Variants in CCDC149 observed in about 807,000 individuals in gnomAD.
The protein encoded by CCDC149 is coiled-coil domain-containing protein 149.
CCDC149 carries 45 observed loss-of-function variants against 59.9 expected under a neutral mutation model. That is an observed-to-expected ratio of 0.75 (90% CI 0.59 to 0.96). CCDC149 has a LOEUF of 0.96. Among genes scored for constraint, CCDC149 ranks in the 40% least tolerant of loss-of-function variants. The pLI is 0.00. For synonymous variants in CCDC149, 245 were observed against 260.6 expected, an observed-to-expected ratio of 0.94 and a Z score of 0.58; for missense variants, 584 against 664.7, an observed-to-expected ratio of 0.88 and a Z score of 1.33.
upstream of CCDC149, among the ~76,000 whole-genome samples, chr4:24,915,210 A>C (rs1468131846): frequency 6.6e-6 from 1 of 152,280 alleles, no homozygotes; most frequent in African/African-American, 2.4e-5. Flanking sequence ...CTGACGTCTC[A>C]TGCCTAAAAA....
intron 9 of CCDC149, chr4:24,828,233 A>G (rs1174965139): frequency 6.6e-6 from 1 of 151,268 alleles, no homozygotes; most frequent in East Asian, 1.9e-4. Flanking sequence ...CAGAATAATG[A>G]AAAAAGAAAC....
At chr4:24,971,172 C>T (rs1000361687) in intron 1 of CCDC149, among the ~76,000 whole-genome samples, 29 of 152,178 alleles carry the variant, frequency 1.9e-4, no homozygotes, top group African/African-American at 7.0e-4. Context: ...CTGACGACCC[C>T]CTACAGAGTT....
At position 24,965,239 on chromosome 4, in the gene CCDC149, T is replaced by G. The variant is rs1183581853; in HGVS notation, c.-65+14830A>C. On this transcript the variant is annotated intron_variant, in intron 1 of 12. Transcript: ENST00000389609. ...TGGTTGAAGCAAGAATTATAACATTTTATGTGTTAATTAGTGTACGTAGAG... is the reference window on the plus strand; with the variant it reads ...TGGTTGAAGCAAGAATTATAACATTGTATGTGTTAATTAGTGTACGTAGAG... Among the ~76,000 whole-genome samples the G allele has an allele frequency of 1.3e-5, 2 of 151,278 alleles. 1 individual carries two copies.
intron 3 of CCDC149, among the ~76,000 whole-genome samples, chr4:24,866,623 ACTGTTGTCTCAATTT>A: frequency 6.6e-6 from 1 of 152,218 alleles, no homozygotes; most frequent in Admixed American, 6.5e-5. Context: ...TAGTGCAATC[ACTGTTGTCTCAATTT>A]CTTCACAGCT....
At chr4:24,865,874 C>T (rs1251696446) in intron 3 of CCDC149, among the ~76,000 whole-genome samples, 1 of 152,164 alleles carries the variant, frequency 6.6e-6, no homozygotes, top group Non-Finnish European at 1.5e-5. Flanking sequence ...TGGGAAGGTG[C>T]ATTAGTCCTC....
At chr4:24,909,091 A>T (rs1306740860) in intron 1 of CCDC149, among the ~76,000 whole-genome samples, 2 of 152,188 alleles carry the variant, frequency 1.3e-5, no homozygotes, top group Non-Finnish European at 1.5e-5. Flanking sequence ...GCCTGAAAGA[A>T]GGCTGTAATT....
At chr4:24,909,988 C>T (rs1364292930) in intron 1 of CCDC149, among the ~76,000 whole-genome samples, 1 of 152,214 alleles carries the variant, frequency 6.6e-6, no homozygotes, top group Non-Finnish European at 1.5e-5. Flanking sequence ...CGGACTAATA[C>T]ATTGCTGTAA....
At chr4:24,872,459 G>A (rs1254145610) in intron 3 of CCDC149, among the ~76,000 whole-genome samples, 1 of 152,050 alleles carries the variant, frequency 6.6e-6, no homozygotes, top group Non-Finnish European at 1.5e-5. Context: ...CCGCCAAATG[G>A]TATCTATCAC....
chr4:24,805,496 C>T (rs149341609), downstream of CCDC149, among the ~76,000 whole-genome samples: 14 of 152,336 alleles, frequency 9.2e-5, no homozygotes, highest in Admixed American at 1.3e-4. Flanking sequence ...GTTGTCTATT[C>T]CCAACTCTCT....
chr4:24,932,484 A>G lies in CCDC149; in HGVS notation c.-64-37366T>C, dbSNP rs145312776. ...AAGACACTCAGGAAAGAGTCAAGCC[A>G]CTTTATTTATATTGTGTTTGATTTT... On this transcript the variant is annotated intron_variant, in intron 1 of 12. Coordinates refer to the CCDC149 transcript ENST00000389609. Among the ~76,000 whole-genome samples, 1,174 of 152,298 alleles carry G rather than the reference A, an allele frequency of 7.7e-3. 18 individuals are homozygous for G. The highest frequency in any genetic ancestry group is 0.026 in the African/African-American group (1,072 of 41,558).
At chr4:24,915,382 G>T (rs948228078), upstream of CCDC149, among the ~76,000 whole-genome samples, 8 of 152,208 alleles carry the variant, frequency 5.3e-5, 1 homozygote, top group Non-Finnish European at 8.8e-5. Flanking sequence ...AGGTGGGAAA[G>T]CCCATTCCAG....
intron 6 of CCDC149, 114 bp from the exon 7 acceptor site, chr4:24,836,622 T>A (rs1386888953): frequency 1.5e-6 from 1 of 664,502 alleles, no homozygotes; most frequent in African/African-American, 1.8e-5. Context: ...CTTTTACACA[T>A]AACACCTTGC....
chr4:24,912,920 TCG>T lies in CCDC149; in HGVS notation c.-43_-42del. The T allele has an allele frequency of 8.7e-7, 1 of 1,148,814 alleles. No individual in the cohort carries two copies. 71.2% of individuals were successfully genotyped at this position (1,148,814 alleles called of 1,614,324 possible). ...CTGGACCCCCGCCGCCTCCTCCTCC[TCG>T]CGACGTCGCGTCGCCGCCGCCGCCC... is the stretch of plus-strand genomic sequence containing the variant. On this transcript the variant is annotated 5_prime_UTR_variant, in exon 1 of 13. Coordinates refer to ENST00000635206, the MANE Select transcript of CCDC149 (RefSeq NM_001330643.2).
intron 1 of CCDC149, among the ~76,000 whole-genome samples, chr4:24,898,723 A>G (rs1290361831): frequency 6.6e-6 from 1 of 152,038 alleles, no homozygotes; most frequent in Non-Finnish European, 1.5e-5. Context: ...CCCCCATACC[A>G]TCTTCCCAAA....
At chr4:24,859,130 A>G (rs1047932199) in intron 3 of CCDC149, among the ~76,000 whole-genome samples, 6 of 152,224 alleles carry the variant, frequency 3.9e-5, no homozygotes, top group Admixed American at 3.9e-4. Context: ...TGTGAAAAAG[A>G]TAGGCATACA....
At chr4:24,910,878 T>C (rs1721832880) in intron 1 of CCDC149, among the ~76,000 whole-genome samples, 2 of 152,214 alleles carry the variant, frequency 1.3e-5, no homozygotes, top group Admixed American at 6.5e-5. Flanking sequence ...TATGAGGCCA[T>C]GTAAAATGCT....
intron 12 of CCDC149, 108 bp from the exon 13 acceptor site, chr4:24,808,927 A>G: frequency 9.1e-7 from 1 of 1,103,020 alleles, no homozygotes; most frequent in Non-Finnish European, 1.3e-6. Flanking sequence ...CCTCTGAAAA[A>G]GGAGCAAGAC....
At chr4:24,898,548 G>C (rs1720978492) in intron 1 of CCDC149, among the ~76,000 whole-genome samples, 1 of 152,168 alleles carries the variant, frequency 6.6e-6, no homozygotes, top group Non-Finnish European at 1.5e-5. Context: ...TGGCTTCAAA[G>C]AGAATCCTGG....
intron 1 of CCDC149, among the ~76,000 whole-genome samples, chr4:24,881,627 G>A (rs949165195): frequency 6.6e-6 from 1 of 152,204 alleles, no homozygotes; most frequent in African/African-American, 2.4e-5. Flanking sequence ...TGACTCATAT[G>A]GTCTGCATCA....
Sources: allele counts gnomAD v4.1 joint callset (sites outside exome capture counted in the v4.1 genomes callset), GRCh38; gene constraint gnomAD v4.1.1; transcripts MANE v1.5; gene names NCBI Gene and HGNC (gene_info 2026-07-23, HGNC 2026-07-21).